SUPT3H: variants seen among roughly 807,000 people sequenced by gnomAD.
The protein encoded by SUPT3H is SPT3 homolog, SAGA and STAGA complex component.
A neutral mutation model predicts 44.3 loss-of-function variants in SUPT3H; 44 were observed. That is an observed-to-expected ratio of 0.99 (90% CI 0.78 to 1.28). SUPT3H has a LOEUF of 1.28. Ranked by LOEUF, SUPT3H falls within the 50% of genes most tolerant of loss-of-function variation. The probability of loss-of-function intolerance (pLI) is 0.00; values close to 1 mark genes in which losing one functional copy is unlikely to be tolerated. For missense variants in SUPT3H, 380 were observed against 387.1 expected, an observed-to-expected ratio of 0.98 and a Z score of 0.15; for synonymous variants, 124 against 125.6, an observed-to-expected ratio of 0.99 and a Z score of 0.09.
chr6:44,993,317 C>T (rs1008733737), intron 6 of SUPT3H, among the ~76,000 whole-genome samples: 5 of 152,060 alleles, frequency 3.3e-5, no homozygotes, highest in Non-Finnish European at 5.9e-5. Flanking sequence ...AAAAAGATCC[C>T]TTGAGAGCCA....
chr6:45,232,654 G>A (rs549152239), intron 2 of SUPT3H, among the ~76,000 whole-genome samples: 1 of 152,240 alleles, frequency 6.6e-6, no homozygotes, highest in South Asian at 2.1e-4. Flanking sequence ...TGATCCTCTG[G>A]GGCCCAAGTG....
At chr6:45,148,374 G>A (rs753058187) in intron 2 of SUPT3H, among the ~76,000 whole-genome samples, 11 of 152,102 alleles carry the variant, frequency 7.2e-5, no homozygotes, top group Admixed American at 2.6e-4. Flanking sequence ...GGTACAATCA[G>A]TTCTGCTATA....
chr6:44,828,686 C>T lies in SUPT3H; in HGVS notation c.*1130G>A, dbSNP rs565053819. On this transcript the variant is annotated 3_prime_UTR_variant, in exon 11 of 11. Transcript: ENST00000371459. ...GAAGCAGTATCAAGAGAGGCTTGCT[C>T]TCTTGAGCAGTATCAAGAAAAAGGA... The T allele has an allele frequency of 1.3e-5, 2 of 152,062 alleles. No individual in the cohort carries two copies. The highest frequency in any genetic ancestry group is 2.4e-5 in the African/African-American group (1 of 41,410). The allele number at this position is 152,062 out of a possible 1,614,324, so 9.4% of individuals were successfully genotyped here.
Position 45,105,911 on chromosome 6 carries a change from T to A in SUPT3H, c.186+11A>T. On this transcript the variant is annotated intron_variant, in intron 3 of 10. Coordinates refer to ENST00000371459, the MANE Select transcript of SUPT3H (RefSeq NM_003599.4). ...AGAAGAGAAACCAAATCAAATTATA[T>A]ATGCTCTTACCAGATTAATTAACTG... The A allele has an allele frequency of 6.2e-7, 1 of 1,604,624 alleles. No homozygotes were observed. The highest frequency in any genetic ancestry group is 1.3e-5 in the African/African-American group (1 of 74,808).
At chr6:45,268,761 A>C (rs1168061209) in intron 2 of SUPT3H, among the ~76,000 whole-genome samples, 1 of 152,208 alleles carries the variant, frequency 6.6e-6, no homozygotes, top group East Asian at 1.9e-4. Flanking sequence ...ACTAAGAAGA[A>C]TGTGTGATAG....
intron 2 of SUPT3H, among the ~76,000 whole-genome samples, chr6:45,337,912 T>G (rs1309036173): frequency 6.6e-6 from 1 of 151,970 alleles, no homozygotes; most frequent in African/African-American, 2.4e-5. Flanking sequence ...AATTCTAACT[T>G]TAAGAAACAA....
chr6:45,022,479 A>G (rs559405050), intron 3 of SUPT3H, among the ~76,000 whole-genome samples: 1 of 148,500 alleles, frequency 6.7e-6, no homozygotes, highest in African/African-American at 2.6e-5. Context: ...TGGAATTTAT[A>G]TCATGGTTAT....
intron 2 of SUPT3H, among the ~76,000 whole-genome samples, chr6:45,350,501 C>T (rs535310046): frequency 1.3e-5 from 2 of 152,262 alleles, no homozygotes; most frequent in African/African-American, 2.4e-5. Flanking sequence ...TACATTTTGG[C>T]TCAAGCTGCT....
intron 3 of SUPT3H, among the ~76,000 whole-genome samples, chr6:45,030,802 T>C (rs530577887): frequency 6.6e-6 from 1 of 152,288 alleles, no homozygotes; most frequent in Admixed American, 6.5e-5. Flanking sequence ...TGTCTTTTTG[T>C]TGAGAAAATA....
intron 10 of SUPT3H, among the ~76,000 whole-genome samples, chr6:44,882,515 C>G (rs1778412131): frequency 6.6e-6 from 1 of 152,162 alleles, no homozygotes; most frequent in African/African-American, 2.4e-5. Context: ...AAAAGAGGGA[C>G]TCCTCCTTAA....
chr6:45,239,406 C>G (rs1020142669), intron 2 of SUPT3H, among the ~76,000 whole-genome samples: 1 of 152,204 alleles, frequency 6.6e-6, no homozygotes, highest in Admixed American at 6.5e-5. Context: ...CCTCTGGTCT[C>G]AAGCGCAGAT....
At chr6:44,823,045 G>T (rs1004794500), downstream of SUPT3H, among the ~76,000 whole-genome samples, 1 of 151,042 alleles carries the variant, frequency 6.6e-6, no homozygotes, top group Admixed American at 6.6e-5. Context: ...TTGAACCCGG[G>T]AGGCGGAGGT....
intron 2 of SUPT3H, among the ~76,000 whole-genome samples, chr6:45,173,209 A>G (rs1180324706): frequency 6.6e-6 from 1 of 152,226 alleles, no homozygotes; most frequent in East Asian, 1.9e-4. Context: ...CACATGGTTT[A>G]AATTTATGGT....
chr6:44,976,171 A>AT (rs542018799), intron 6 of SUPT3H, among the ~76,000 whole-genome samples: 4 of 152,040 alleles, frequency 2.6e-5, no homozygotes, highest in African/African-American at 9.7e-5. Flanking sequence ...AAGGAAGAAA[A>AT]TTTTTTTCCT....
intron 2 of SUPT3H, among the ~76,000 whole-genome samples, chr6:45,313,870 G>A (rs1376612501): frequency 6.6e-6 from 1 of 152,110 alleles, no homozygotes; most frequent in African/African-American, 2.4e-5. Flanking sequence ...TATCCTTGAT[G>A]AACATAGATA....
chr6:45,003,702 G>T lies in SUPT3H; in HGVS notation c.455C>A (p.Ala152Glu). The T allele has an allele frequency of 1.2e-6, 2 of 1,613,754 alleles. No homozygotes were observed. The highest frequency in any genetic ancestry group is 2.2e-5 in the South Asian group (2 of 91,070). Reference protein sequence around the residue: ...NSIDQTGELLAMFEDDEIDEV... With the variant: ...NSIDQTGELLEMFEDDEIDEV... ...ATCAATTTCGTCATCTTCAAACATT[G>T]CTAAAAGTTCTCCTGTCTGGTCAAT... The change falls in exon 6 of 11, where the codon GCA becomes GAA. Residue 152 changes from alanine (A) to glutamate (E), a missense_variant. Ala to Glu is a moderately radical substitution (Grantham distance 107). Coordinates refer to ENST00000371459, the MANE Select transcript of SUPT3H (RefSeq NM_003599.4).
intron 10 of SUPT3H, among the ~76,000 whole-genome samples, chr6:44,912,451 A>T (rs1301923637): frequency 6.6e-6 from 1 of 152,192 alleles, no homozygotes; most frequent in Non-Finnish European, 1.5e-5. Flanking sequence ...CATTGTATGT[A>T]TATACTATGT....
At chr6:44,862,306 A>G (rs555199021) in intron 10 of SUPT3H, among the ~76,000 whole-genome samples, 1 of 151,886 alleles carries the variant, frequency 6.6e-6, no homozygotes, top group Admixed American at 6.6e-5. Context: ...CCTTTTTGGA[A>G]CCCCAAAACC....
chr6:44,950,251 C>A (rs1046190828), intron 9 of SUPT3H, among the ~76,000 whole-genome samples: 2 of 152,196 alleles, frequency 1.3e-5, no homozygotes, highest in Non-Finnish European at 2.9e-5. Flanking sequence ...TTTAGACATG[C>A]TCCACTGTGT....
Sources: gnomAD v4.1 joint callset for allele counts (sites outside exome capture counted in the v4.1 genomes callset) on GRCh38, gnomAD v4.1.1 for gene constraint, MANE v1.5 for transcripts, NCBI Gene and HGNC (gene_info 2026-07-23, HGNC 2026-07-21) for gene names.